Variants in MRPL35 observed in about 807,000 individuals in gnomAD.
MRPL35 encodes mitochondrial ribosomal protein L35.
MRPL35 carries 18 observed loss-of-function variants against 21.6 expected under a neutral mutation model. The ratio of observed to expected loss-of-function variants is 0.83; its 90% CI spans 0.58 to 1.24. The LOEUF is 1.24. Ranked by LOEUF, MRPL35 falls within the 50% of genes most tolerant of loss-of-function variation. The pLI is 0.00. For synonymous variants in MRPL35, 87 were observed against 86.9 expected, an observed-to-expected ratio of 1.00 and a Z score of -0.01; for missense variants, 223 against 223.2, an observed-to-expected ratio of 1.00 and a Z score of 0.01.
intron 1 of MRPL35, among the ~76,000 whole-genome samples, chr2:86,201,140 T>C (rs1673677311): frequency 6.6e-6 from 1 of 152,204 alleles, no homozygotes; most frequent in Non-Finnish European, 1.5e-5. Context: ...ATATTCAGCA[T>C]TGCCTGATAT....
intron 2 of MRPL35, among the ~76,000 whole-genome samples, chr2:86,206,836 C>G (rs775268077): frequency 6.6e-6 from 1 of 152,156 alleles, no homozygotes; most frequent in Admixed American, 6.6e-5. Context: ...CAGTTAAATA[C>G]CCCTGGGTGC....
rs577180547 is a variant in MRPL35 at position 86,201,925 on chromosome 2, T to C, written c.43+2392T>C. ...TCACCTTTGTACGTCCTATTCCCTC[T>C]GTCTCTTCGTACTCTGTCAAAACTC... On this transcript the variant is annotated intron_variant, in intron 1 of 3. Transcript: ENST00000337109. 4.6e-5 allele frequency among the ~76,000 whole-genome samples: 7 copies of C among 152,366 alleles called. No homozygotes were observed. The East Asian group carries it at 1.3e-3, about 29-fold the overall frequency.
rs963440223 is a variant in MRPL35 at position 86,203,387 on chromosome 2, C to T, written c.44-2719C>T. Among the ~76,000 whole-genome samples the T allele has an allele frequency of 2.0e-5, 3 of 152,052 alleles. No individual in the cohort carries two copies. The South Asian group carries it at 6.2e-4, about 32-fold the overall frequency. On this transcript the variant is annotated intron_variant, in intron 1 of 3. Transcript: ENST00000337109. ...GGCGTGAGCCACCGCACCCGGCCCACAAATGGAAAATTCTTTACCCGATCT... is the reference window on the plus strand; with the variant it reads ...GGCGTGAGCCACCGCACCCGGCCCATAAATGGAAAATTCTTTACCCGATCT...
intron 1 of MRPL35, among the ~76,000 whole-genome samples, 169 bp downstream of exon 1, chr2:86,199,702 GT>G (rs1361499995): frequency 6.6e-6 from 1 of 152,200 alleles, no homozygotes; most frequent in Admixed American, 6.5e-5. Context: ...CCCGTACCAA[GT>G]CCCCCGACTC....
At position 86,213,622 on chromosome 2, in the gene MRPL35, G is replaced by C. The variant is rs1673959252; in HGVS notation, c.*2954G>C. 2 of 1,550,262 alleles carry C rather than the reference G, an allele frequency of 1.3e-6. No homozygotes were observed. The highest frequency in any genetic ancestry group is 2.7e-5 in the African/African-American group (2 of 73,024). On this transcript the variant is annotated 3_prime_UTR_variant, in exon 4 of 4. Transcript: ENST00000337109. ...GCCCTTCACCACCCTGTTGTCACCT[G>C]CACAGGCACTCCCCCATTTGCAGAT... is the stretch of plus-strand genomic sequence containing the variant.
chr2:86,210,169 T>A (rs145806458), intron 3 of MRPL35, among the ~76,000 whole-genome samples: 6 of 152,358 alleles, frequency 3.9e-5, no homozygotes, highest in Admixed American at 6.5e-5. Flanking sequence ...GTGATTATAA[T>A]TCTGTCATTA....
At chr2:86,205,399 A>T (rs1213118042) in intron 1 of MRPL35, among the ~76,000 whole-genome samples, 1 of 140,588 alleles carries the variant, frequency 7.1e-6, no homozygotes, top group East Asian at 1.9e-4. Context: ...GAGTAGGCTG[A>T]GGAGGAGTTG....
At chr2:86,209,128 A>G (rs1417357020) in intron 3 of MRPL35, among the ~76,000 whole-genome samples, 3 of 152,212 alleles carry the variant, frequency 2.0e-5, no homozygotes, top group Admixed American at 2.0e-4. Context: ...TTATTACACA[A>G]ATGTGGAGAT....
At chr2:86,209,476 A>G (rs1033817154) in intron 3 of MRPL35, among the ~76,000 whole-genome samples, 5 of 152,230 alleles carry the variant, frequency 3.3e-5, no homozygotes, top group African/African-American at 7.2e-5. Flanking sequence ...AGTTTTTATA[A>G]TCAATCAAAT....
intron 1 of MRPL35, among the ~76,000 whole-genome samples, chr2:86,201,508 G>A (rs1458969646): frequency 6.6e-6 from 1 of 151,970 alleles, no homozygotes; most frequent in East Asian, 1.9e-4. Context: ...GCCCTTTGAC[G>A]AAAAGTTGTT....
rs1174636441 is a variant in MRPL35, at chr2:86,203,294, AG to A, written c.44-2811del. Among the ~76,000 whole-genome samples, 3 of 151,992 alleles carry A rather than the reference AG, an allele frequency of 2.0e-5. No homozygotes were observed. In the East Asian group the frequency reaches 5.9e-4, roughly 30 times the overall value. On this transcript the variant is annotated intron_variant, in intron 1 of 3. Transcript: ENST00000337109. ...AGACGGGGTTTCACTGTGTTAGCCAAGATGGTCTTGACCTCCTGATCTCCTC... is the reference window on the plus strand; with the variant it reads ...AGACGGGGTTTCACTGTGTTAGCCAAATGGTCTTGACCTCCTGATCTCCTC...
In MRPL35 at chr2:86,211,139, T is replaced by C; in HGVS notation, c.*471T>C. 1.0e-6 allele frequency: 1 copy of C among 986,778 alleles called. No individual in the cohort carries two copies. The highest frequency in any genetic ancestry group is 1.2e-6 in the Non-Finnish European group (1 of 830,864). The allele number at this position is 986,778 out of a possible 1,614,324, so 61.1% of individuals were successfully genotyped here. A position where few individuals can be genotyped will look rare whatever the true frequency, so the allele number is the denominator to read the frequency against. ...AGCAGGGGAAGGTGGATGTTTAGGC[T>C]TGGGCTCTGCATGCATGTGACTTGC... On this transcript the variant is annotated 3_prime_UTR_variant, in exon 4 of 4. Transcript: ENST00000337109.
intron 3 of MRPL35, among the ~76,000 whole-genome samples, chr2:86,210,122 T>C (rs1673872614): frequency 6.6e-6 from 1 of 152,230 alleles, no homozygotes; most frequent in Non-Finnish European, 1.5e-5. Flanking sequence ...TTGTTAAAGA[T>C]TGCTGAAGAG....
At chr2:86,207,094 C>A in intron 2 of MRPL35, 89 bp from the exon 3 acceptor site, 1 of 1,281,822 alleles carries the variant, frequency 7.8e-7, no homozygotes, top group Non-Finnish European at 1.1e-6. Context: ...TCCATTGGAG[C>A]AGCTTTACTC....
intron 1 of MRPL35, among the ~76,000 whole-genome samples, chr2:86,203,168 C>T (rs1190119503): frequency 1.3e-5 from 2 of 151,754 alleles, no homozygotes; most frequent in African/African-American, 4.8e-5. Context: ...CAAGCTCTGC[C>T]TCCCAGGTTC....
At chr2:86,201,835 T>C (rs1236219978) in intron 1 of MRPL35, among the ~76,000 whole-genome samples, 1 of 152,254 alleles carries the variant, frequency 6.6e-6, no homozygotes, top group Non-Finnish European at 1.5e-5. Flanking sequence ...GTGCAGTTCA[T>C]GTCCCCCATT....
At chr2:86,200,961 C>T (rs921896672) in intron 1 of MRPL35, among the ~76,000 whole-genome samples, 7 of 152,136 alleles carry the variant, frequency 4.6e-5, no homozygotes, top group African/African-American at 1.4e-4. Flanking sequence ...CCACCCTGCC[C>T]GGCCTGCTGT....
chr2:86,212,668 G>A lies in MRPL35; in HGVS notation c.*2000G>A, dbSNP rs535561644. ...AGGGACAGGTGTAGAGATAAGGACT[G>A]GCAACCAGAGCCTCAGCATCCAAAG... is the stretch of plus-strand genomic sequence containing the variant. On this transcript the variant is annotated 3_prime_UTR_variant, in exon 4 of 4. Coordinates refer to ENST00000337109, the MANE Select transcript of MRPL35 (RefSeq NM_016622.4). 1 of 1,247,610 alleles carries A rather than the reference G, an allele frequency of 8.0e-7. No homozygotes were observed. Among genetic ancestry groups the A allele is most frequent in the East Asian group, 3.2e-5 (1 of 31,152 alleles). The allele number at this position is 1,247,610 out of a possible 1,614,324, so 77.3% of individuals were successfully genotyped here.
rs771635310 is a variant in MRPL35 at position 86,213,586 on chromosome 2, G to C, written c.*2918G>C. On this transcript the variant is annotated 3_prime_UTR_variant, in exon 4 of 4. Transcript: ENST00000337109. ...ATGTGAAAGGTAAGGGCTGCAGCAGGTTTAAGGGTGGCCCTTCACCACCCT... is the reference window on the plus strand; with the variant it reads ...ATGTGAAAGGTAAGGGCTGCAGCAGCTTTAAGGGTGGCCCTTCACCACCCT... 6.5e-7 allele frequency: 1 copy of C among 1,549,392 alleles called. No individual in the cohort carries two copies. The highest frequency in any genetic ancestry group is 8.7e-7 in the Non-Finnish European group (1 of 1,146,168).
Sources: gnomAD v4.1 joint callset for allele counts (sites outside exome capture counted in the v4.1 genomes callset) on GRCh38, gnomAD v4.1.1 for gene constraint, MANE v1.5 for transcripts, NCBI Gene and HGNC (gene_info 2026-07-23, HGNC 2026-07-21) for gene names.